The following CA5A variants were observed in gnomAD, a reference collection of about 807,000 sequenced individuals.
CA5A encodes carbonic anhydrase 5A.
In CA5A, 28 loss-of-function variants were observed where a neutral mutation model predicts 37.1. The ratio of observed to expected loss-of-function variants is 0.75; its 90% CI spans 0.56 to 1.03. The LOEUF (loss-of-function observed/expected upper bound fraction) is 1.03. Among genes scored for constraint, CA5A ranks in the 50% least tolerant of loss-of-function variants. The pLI, the probability that CA5A is intolerant of heterozygous loss-of-function variation, is 0.00. For missense variants in CA5A, 444 were observed against 399.9 expected, an observed-to-expected ratio of 1.11 and a Z score of -0.94; for synonymous variants, 171 against 158.4, an observed-to-expected ratio of 1.08 and a Z score of -0.60.
At chr16:87,929,996 C>T (rs555680524) in intron 1 of CA5A, among the ~76,000 whole-genome samples, 18 of 151,746 alleles carry the variant, frequency 1.2e-4, no homozygotes, top group Non-Finnish European at 2.2e-4. Context: ...CTTTTCTACT[C>T]GTCAGTGTTA....
chr16:87,905,156 T>C (rs1463054637), intron 2 of CA5A, among the ~76,000 whole-genome samples: 1 of 152,064 alleles, frequency 6.6e-6, no homozygotes, highest in Non-Finnish European at 1.5e-5. Context: ...GTCCCAGTGC[T>C]GCCACTGGGT....
chr16:87,897,311 T>C (rs2055818610), intron 5 of CA5A, among the ~76,000 whole-genome samples: 1 of 152,246 alleles, frequency 6.6e-6, no homozygotes, highest in African/African-American at 2.4e-5. Flanking sequence ...TGTCCAGGCA[T>C]GGAGGGTGGG....
chr16:87,891,847 C>G lies in CA5A; in HGVS notation c.726G>C (p.Ser242=). Residue 242 remains serine, a synonymous_variant, in exon 6 of 7, where the codon TCG becomes TCC. Coordinates refer to ENST00000649794, the MANE Select transcript of CA5A (RefSeq NM_001739.2). ...GCTCCTTCTGGATGATCCAGGTGAC[C>G]GACTCGGTCAGCGGCGGGGTGGTGA... ...GSLTTPPLTE[S]VTWIIQKEPV... 6.3e-7 allele frequency: 1 copy of G among 1,579,150 alleles called. No homozygotes were observed.
chr16:87,932,466 T>G (rs2056420968), intron 1 of CA5A, among the ~76,000 whole-genome samples: 1 of 152,282 alleles, frequency 6.6e-6, no homozygotes, highest in African/African-American at 2.4e-5. Flanking sequence ...ACAAAAGGGC[T>G]CATTGCCACC....
intron 5 of CA5A, chr16:87,893,302 T>C (rs1411854682): frequency 8.5e-6 from 3 of 353,380 alleles, no homozygotes; most frequent in Admixed American, 3.9e-5. Context: ...TAATTTTTTA[T>C]ATTTTTAGTA....
At chr16:87,898,294 G>A (rs2055830924) in intron 5 of CA5A, among the ~76,000 whole-genome samples, 1 of 152,240 alleles carries the variant, frequency 6.6e-6, no homozygotes, top group African/African-American at 2.4e-5. Flanking sequence ...GTCCCTGGGT[G>A]AGAACTGCTG....
rs2055721560 is a variant in CA5A, at chr16:87,891,925, G to T, written c.648C>A (p.Asp216Glu). 6.4e-7 allele frequency: 1 copy of T among 1,560,566 alleles called. No individual in the cohort carries two copies. The highest frequency in any genetic ancestry group is 8.7e-7 in the Non-Finnish European group (1 of 1,154,504). Residue 216 changes from aspartate to glutamate, a missense_variant, in exon 6 of 7, where the codon GAC (aspartate) becomes GAA (glutamate). By Grantham distance (45) the Asp-to-Glu change is conservative. Coordinates refer to ENST00000649794, the MANE Select transcript of CA5A (RefSeq NM_001739.2). The part of the protein sequence containing the change: ...KDARAAMRPF[D>E]PSTLLPTCWD... ...AGCAGGTGGGCAGCAGAGTGGAGGG[G>T]TCGAAGGGGCGCATGGCCGCCCGCG...
chr16:87,894,695 A>G (rs1247993826), intron 5 of CA5A, among the ~76,000 whole-genome samples: 9 of 152,092 alleles, frequency 5.9e-5, no homozygotes, highest in Non-Finnish European at 1.3e-4. Context: ...CCTGACCAAC[A>G]TGGCGAAACC....
chr16:87,910,270 C>T (rs768286553), intron 2 of CA5A, among the ~76,000 whole-genome samples: 17 of 152,158 alleles, frequency 1.1e-4, no homozygotes, highest in Non-Finnish European at 2.1e-4. Flanking sequence ...CAGAGTGCAG[C>T]GGAGGAGCTG....
chr16:87,915,412 G>A (rs2056122527), intron 2 of CA5A, among the ~76,000 whole-genome samples: 1 of 152,040 alleles, frequency 6.6e-6, no homozygotes, highest in African/African-American at 2.4e-5. Context: ...GAGTGAGCCT[G>A]TAGTCCCAGC....
intron 2 of CA5A, among the ~76,000 whole-genome samples, chr16:87,922,302 G>T (rs1188696162): frequency 2.6e-5 from 4 of 152,080 alleles, no homozygotes; most frequent in Non-Finnish European, 2.9e-5. Context: ...TTGCGAGGCT[G>T]TTCCTGAGGA....
At chr16:87,913,904 G>A (rs2056089248) in intron 2 of CA5A, among the ~76,000 whole-genome samples, 1 of 152,232 alleles carries the variant, frequency 6.6e-6, no homozygotes, top group Non-Finnish European at 1.5e-5. Context: ...GCATAAGGAA[G>A]CTTAAGTGAC....
chr16:87,913,305 C>CTT (rs56257660), intron 2 of CA5A, among the ~76,000 whole-genome samples: 13 of 133,310 alleles, frequency 9.8e-5, no homozygotes, highest in African/African-American at 1.6e-4. Context: ...ATGTTCCAGT[C>CTT]TTTTTTTTTT....
chr16:87,920,314 ATTGT>A (rs754693978), intron 2 of CA5A, among the ~76,000 whole-genome samples: 38 of 149,580 alleles, frequency 2.5e-4, no homozygotes, highest in Non-Finnish European at 4.4e-4. Context: ...TGTTTGTTTG[ATTGT>A]TTGTTTGTTT....
At chr16:87,928,767 T>G (rs2056353025) in intron 1 of CA5A, among the ~76,000 whole-genome samples, 1 of 88,002 alleles carries the variant, frequency 1.1e-5, no homozygotes. Flanking sequence ...TTTGTTTTTT[T>G]TTTTTTTTTT....
At chr16:87,900,558 TA>T (rs1227754973) in intron 5 of CA5A, among the ~76,000 whole-genome samples, 5 of 152,254 alleles carry the variant, frequency 3.3e-5, no homozygotes, top group Non-Finnish European at 7.3e-5. Flanking sequence ...AATTCTTTTG[TA>T]TGCTGCTGAA....
intron 5 of CA5A, among the ~76,000 whole-genome samples, chr16:87,896,116 G>A (rs528562059): frequency 1.1e-4 from 17 of 152,340 alleles, no homozygotes; most frequent in African/African-American, 4.1e-4. Context: ...CCTTTGAGAA[G>A]TATTTCTAGT....
intron 2 of CA5A, chr16:87,924,286 G>A (rs1219718267): frequency 1.7e-5 from 17 of 985,340 alleles, no homozygotes; most frequent in Non-Finnish European, 1.9e-5. Flanking sequence ...GGAGCCTGAT[G>A]AAGCAACCGT....
At chr16:87,921,869 A>G (rs550182656) in intron 2 of CA5A, among the ~76,000 whole-genome samples, 1 of 75,558 alleles carries the variant, frequency 1.3e-5, no homozygotes, top group Non-Finnish European at 2.8e-5. Flanking sequence ...TGTTATTATT[A>G]TTATTATTAT....
Sources: allele counts gnomAD v4.1 joint callset (sites outside exome capture counted in the v4.1 genomes callset), GRCh38; gene constraint gnomAD v4.1.1; transcripts MANE v1.5; gene names NCBI Gene and HGNC (gene_info 2026-07-23, HGNC 2026-07-21).